The following CDH12 variants were observed in gnomAD, a reference collection of about 807,000 sequenced individuals.
CDH12 encodes cadherin-12.
Under a neutral mutation model 74.1 loss-of-function variants are expected in CDH12, and 41 were observed. The ratio of observed to expected loss-of-function variants is 0.55; its 90% confidence interval spans 0.43 to 0.72. The LOEUF (loss-of-function observed/expected upper bound fraction) is 0.72, where lower values mean the gene tolerates loss of function less well. Among genes scored for constraint, CDH12 ranks in the 30% least tolerant of loss-of-function variants. The pLI, the probability that CDH12 is intolerant of heterozygous loss-of-function variation, is 0.00. For missense variants in CDH12, 945 were observed against 977.2 expected (o/e 0.97, Z 0.44); for synonymous variants, 399 against 355.0 (o/e 1.12, Z -1.39).
intron 2 of CDH12, among the ~76,000 whole-genome samples, chr5:22,495,905 G>A (rs1442855449): frequency 6.6e-6 from 1 of 152,060 alleles, no homozygotes; most frequent in East Asian, 1.9e-4. Flanking sequence ...AAATTCTAGA[G>A]GAAAACAGAA....
chr5:22,586,588 C>T (rs1391108499), intron 1 of CDH12, among the ~76,000 whole-genome samples: 2 of 151,266 alleles, frequency 1.3e-5, no homozygotes, highest in Non-Finnish European at 2.9e-5. Context: ...CAAATGATAT[C>T]CTATAATTAC....
chr5:21,831,169 A>G (rs1436359770), intron 8 of CDH12, among the ~76,000 whole-genome samples: 1 of 152,184 alleles, frequency 6.6e-6, no homozygotes, highest in Non-Finnish European at 1.5e-5. Flanking sequence ...AAAGCCCCAT[A>G]GTCACATATA....
At chr5:22,435,987 T>C (rs1744370239) in intron 2 of CDH12, among the ~76,000 whole-genome samples, 1 of 151,738 alleles carries the variant, frequency 6.6e-6, no homozygotes, top group Admixed American at 6.6e-5. Flanking sequence ...ATTGCAGCAC[T>C]ACTCACAATA....
chr5:22,071,907 A>T (rs1036936237), intron 5 of CDH12, among the ~76,000 whole-genome samples: 1 of 152,060 alleles, frequency 6.6e-6, no homozygotes, highest in Non-Finnish European at 1.5e-5. Context: ...GCAATTACCC[A>T]CTAATTTCTG....
At chr5:22,746,948 A>C (rs1053595189) in intron 1 of CDH12, among the ~76,000 whole-genome samples, 3 of 152,198 alleles carry the variant, frequency 2.0e-5, no homozygotes, top group Admixed American at 2.0e-4. Flanking sequence ...ATTGTTAGAA[A>C]CTTAATCCAA....
intron 5 of CDH12, among the ~76,000 whole-genome samples, chr5:22,041,686 G>A (rs1370554772): frequency 6.6e-6 from 1 of 152,090 alleles, no homozygotes; most frequent in Admixed American, 6.5e-5. Flanking sequence ...GGGGAATAAA[G>A]GGAGAAATAG....
At chr5:21,925,333 T>C (rs1235166744) in intron 6 of CDH12, among the ~76,000 whole-genome samples, 2 of 152,192 alleles carry the variant, frequency 1.3e-5, no homozygotes, top group Non-Finnish European at 2.9e-5. Context: ...TTTGACTAAG[T>C]GGACCCTTCA....
chr5:22,311,217 A>G (rs1015412107), intron 3 of CDH12, among the ~76,000 whole-genome samples: 1 of 152,206 alleles, frequency 6.6e-6, no homozygotes, highest in Non-Finnish European at 1.5e-5. Context: ...AAGTTGCCCT[A>G]AATATATATT....
intron 3 of CDH12, among the ~76,000 whole-genome samples, chr5:22,279,891 C>T (rs1468911989): frequency 4.6e-5 from 7 of 152,194 alleles, no homozygotes; most frequent in South Asian, 2.1e-4. Context: ...GGTATATACC[C>T]GGTAATGGGA....
intron 5 of CDH12, among the ~76,000 whole-genome samples, chr5:22,072,421 T>A (rs1274828119): frequency 1.3e-5 from 2 of 152,028 alleles, no homozygotes; most frequent in Non-Finnish European, 2.9e-5. Context: ...TAAATCATCC[T>A]TCAAGACTCA....
At chr5:22,517,745 A>G (rs1736867426) in intron 1 of CDH12, among the ~76,000 whole-genome samples, 1 of 152,210 alleles carries the variant, frequency 6.6e-6, no homozygotes, top group Non-Finnish European at 1.5e-5. Context: ...TAATCTAGTC[A>G]TGGTTCCACA....
rs1445945937 is a variant in CDH12, at chr5:22,747,654, A to T, written c.-523+105404T>A. On this transcript the variant is annotated intron_variant, in intron 1 of 14. Coordinates refer to ENST00000382254, the MANE Select transcript of CDH12 (RefSeq NM_004061.5). ...AGAAAAGAAAAAAAAGTAGTAAATAATGAAACAATTAACTTATAGCTAAAG... is the reference window on the plus strand; with the variant it reads ...AGAAAAGAAAAAAAAGTAGTAAATATTGAAACAATTAACTTATAGCTAAAG... 2.0e-5 allele frequency among the ~76,000 whole-genome samples: 3 copies of T among 151,882 alleles called. No homozygotes were observed. The East Asian group carries it at 5.8e-4, about 29-fold the overall frequency.
intron 1 of CDH12, among the ~76,000 whole-genome samples, chr5:22,635,446 G>A (rs1237285199): frequency 6.6e-6 from 1 of 152,118 alleles, no homozygotes; most frequent in Non-Finnish European, 1.5e-5. Context: ...TGGTTTCTTA[G>A]ATAGGACACC....
intron 2 of CDH12, among the ~76,000 whole-genome samples, chr5:22,465,055 A>T (rs1338126913): frequency 9.6e-6 from 1 of 103,854 alleles, no homozygotes; most frequent in Non-Finnish European, 1.9e-5. Context: ...GGAGGAAGGG[A>T]GGGGGGGAAA....
chr5:22,005,623 A>G (rs1401903649), intron 5 of CDH12, among the ~76,000 whole-genome samples: 4 of 152,088 alleles, frequency 2.6e-5, no homozygotes, highest in South Asian at 4.2e-4. Context: ...ATTGTATTAA[A>G]ACATTTTTAC....
At chr5:22,368,311 G>A (rs1255879157) in intron 3 of CDH12, among the ~76,000 whole-genome samples, 1 of 151,420 alleles carries the variant, frequency 6.6e-6, no homozygotes, top group Non-Finnish European at 1.5e-5. Context: ...TTATGTTATT[G>A]TTTTTAAAAC....
chr5:22,136,104 G>GT (rs1746446490), intron 4 of CDH12, among the ~76,000 whole-genome samples: 1 of 151,980 alleles, frequency 6.6e-6, no homozygotes, highest in Non-Finnish European at 1.5e-5. Flanking sequence ...GGATAGGTAA[G>GT]TTATATTGCA....
At chr5:22,242,346 A>G (rs1050847095) in intron 3 of CDH12, among the ~76,000 whole-genome samples, 4 of 152,144 alleles carry the variant, frequency 2.6e-5, no homozygotes, top group Admixed American at 2.0e-4. Flanking sequence ...TTAAAATGAC[A>G]CTTCTATATT....
intron 2 of CDH12, among the ~76,000 whole-genome samples, chr5:22,449,071 T>C (rs1258898566): frequency 2.0e-5 from 3 of 151,438 alleles, no homozygotes; most frequent in African/African-American, 7.2e-5. Flanking sequence ...TATATATATA[T>C]ATATAATGCC....
Sources: gnomAD v4.1 joint callset for allele counts (sites outside exome capture counted in the v4.1 genomes callset) on GRCh38, gnomAD v4.1.1 for gene constraint, MANE v1.5 for transcripts, NCBI Gene and HGNC (gene_info 2026-07-23, HGNC 2026-07-21) for gene names.